Variants in POMT2 observed in about 807,000 individuals in gnomAD.
The protein encoded by POMT2 is protein O-mannosyltransferase 2.
In POMT2, 75 loss-of-function variants were observed where a neutral mutation model predicts 100.0. That is an observed-to-expected ratio of 0.75 (90% CI 0.62 to 0.91). The LOEUF is 0.91. Ranked by LOEUF, POMT2 falls within the 40% of genes least tolerant of loss-of-function variation. POMT2 has a pLI of 0.00. For missense variants in POMT2, 940 were observed against 955.1 expected (o/e 0.98, Z 0.21); for synonymous variants, 378 against 374.1 (o/e 1.01, Z -0.12).
chr14:77,299,463 C>G lies in POMT2; in HGVS notation c.915G>C (p.Leu305=). 6.2e-7 allele frequency: 1 copy of G among 1,613,854 alleles called. No individual in the cohort carries two copies. The highest frequency in any genetic ancestry group is 8.5e-7 in the Non-Finnish European group (1 of 1,179,844). Residue 305 remains leucine (L), a synonymous_variant, in exon 7 of 21, where the codon CTG becomes CTC. Transcript: ENST00000261534. ...AAAGGCTCTGTCTGTACCTTTTACT[C>G]AGCACCATGAAGTGAACAGCAAAGG... ...TATFAVHFMV[L]SKSGPGDGFF...
chr14:77,290,725 A>G (rs983803341), intron 10 of POMT2, among the ~76,000 whole-genome samples: 16 of 152,238 alleles, frequency 1.1e-4, no homozygotes, highest in African/African-American at 3.6e-4. Context: ...TGAGAGCCTG[A>G]TAGGTGTGCT....
chr14:77,302,710 G>T, intron 5 of POMT2, 125 bp downstream of exon 5: 1 of 758,006 alleles, frequency 1.3e-6, no homozygotes, highest in Admixed American at 2.1e-5. Flanking sequence ...CAAACAAAAA[G>T]TATGCTTGCC....
chr14:77,289,543 A>G (rs1446446924), intron 10 of POMT2, among the ~76,000 whole-genome samples: 3 of 152,160 alleles, frequency 2.0e-5, no homozygotes, highest in Non-Finnish European at 4.4e-5. Context: ...CCTTTACCCG[A>G]TGAGGCACTG....
In POMT2 at chr14:77,302,892, A is replaced by T; in HGVS notation, c.599T>A (p.Met200Lys). The stretch of plus-strand genomic sequence containing the variant: ...CAGCATGGCAGCCATGATGAAGAAC[A>T]TCAGGATGGGGTCAAGGAGGATGTA... ...SQYILLDPIL[M>K]FFIMAAMLSM... Residue 200 changes from methionine (M) to lysine (K), a missense_variant, in exon 5 of 21, where the codon ATG (methionine) becomes AAG (lysine). Coordinates refer to ENST00000261534, the MANE Select transcript of POMT2 (RefSeq NM_013382.7). 6.2e-7 allele frequency: 1 copy of T among 1,614,004 alleles called. No homozygotes were observed. The highest frequency in any genetic ancestry group is 8.5e-7 in the Non-Finnish European group (1 of 1,179,904).
At chr14:77,285,722 CCAT>C in intron 12 of POMT2, 90 bp from the exon 13 acceptor site, 1 of 1,465,152 alleles carries the variant, frequency 6.8e-7, no homozygotes, top group Non-Finnish European at 9.5e-7. Context: ...CCAGATGCCA[CCAT>C]GTTATGAAGG....
Position 77,298,715 on chromosome 14 carries a change from T to C in POMT2, c.980A>G (p.Asn327Ser), listed in dbSNP as rs2139470517. 6.2e-7 allele frequency: 1 copy of C among 1,613,816 alleles called. No homozygotes were observed. Among genetic ancestry groups the C allele is most frequent in the East Asian group, 2.2e-5 (1 of 44,888 alleles). Residue 327 changes from asparagine to serine, a missense_variant, in exon 8 of 21, where the codon AAC (asparagine) becomes AGC (serine). Transcript: ENST00000261534. The stretch of plus-strand genomic sequence containing the variant: ...TTCAGGGATGGAAGCATTGTGCAGG[T>C]TGTTCCCTGAAAGCCGGGCCTGGAA... The part of the protein sequence containing the change: ...SAFQARLSGN[N>S]LHNASIPEHL...
intron 6 of POMT2, chr14:77,300,293 T>C (rs1236454670): frequency 6.5e-6 from 1 of 154,814 alleles, no homozygotes; most frequent in African/African-American, 2.4e-5. Context: ...TAGATACACC[T>C]CTCACTCCCC....
At chr14:77,284,239 G>C (rs371085771) in intron 14 of POMT2, 39 of 340,028 alleles carry the variant, frequency 1.1e-4, no homozygotes, top group African/African-American at 7.7e-4. Flanking sequence ...TGGGAATGAG[G>C]AATAAATCAT....
intron 6 of POMT2, 136 bp from the exon 7 acceptor site, chr14:77,299,697 T>C: frequency 1.5e-6 from 1 of 659,632 alleles, no homozygotes; most frequent in Non-Finnish European, 2.8e-6. Context: ...GAGAAGAATA[T>C]GTGGAAACCC....
chr14:77,305,471 T>C (rs889026319), intron 3 of POMT2, among the ~76,000 whole-genome samples: 1 of 152,218 alleles, frequency 6.6e-6, no homozygotes, highest in Admixed American at 6.5e-5. Flanking sequence ...ATGTATGGTA[T>C]GTGGTGTTCA....
rs1350666962 is a variant in POMT2 at position 77,285,604 on chromosome 14, C to A, written c.1361G>T (p.Trp454Leu). Reference protein sequence around the residue: ...INGTGDSNDFWRIEVVNRKFG... With the variant: ...INGTGDSNDFLRIEVVNRKFG... ...TTTCCTGTTTACGACCTCAATCCGC[C>A]AGAAATCATTTGAGTCCCCTGTTCC... is the stretch of plus-strand genomic sequence containing the variant. Residue 454 changes from tryptophan (W) to leucine (L), a missense_variant, in exon 13 of 21, where the codon TGG becomes TTG. Physicochemically the swap from Trp to Leu is moderately conservative, Grantham distance 61 (BLOSUM62 -2). Coordinates refer to ENST00000261534, the MANE Select transcript of POMT2 (RefSeq NM_013382.7). 6.2e-7 allele frequency: 1 copy of A among 1,612,960 alleles called. No individual in the cohort carries two copies. Among genetic ancestry groups the A allele is most frequent in the East Asian group, 2.2e-5 (1 of 44,884 alleles).
intron 4 of POMT2, among the ~76,000 whole-genome samples, chr14:77,303,829 G>GTTTA (rs1440030306): frequency 2.0e-5 from 3 of 152,118 alleles, no homozygotes; most frequent in African/African-American, 7.2e-5. Context: ...TCATTTACTT[G>GTTTA]TTTATTTACT....
In POMT2 at chr14:77,296,875, TTTTC is replaced by T. The variant is rs1321038420; in HGVS notation, c.1007-606_1007-603del. Among the ~76,000 whole-genome samples the T allele has an allele frequency of 3.9e-5, 6 of 152,212 alleles. No individual in the cohort carries two copies. In the East Asian group the frequency reaches 1.2e-3, roughly 29 times the overall value. On this transcript the variant is annotated intron_variant, in intron 8 of 20. Transcript: ENST00000261534. ...ATCCGCTGGAATGACCTGCTCCTGTTTTTCTTTGTTCATTCAGTGGACCAGAAGA... is the reference window on the plus strand; with the variant it reads ...ATCCGCTGGAATGACCTGCTCCTGTTTTTGTTCATTCAGTGGACCAGAAGA...
chr14:77,280,433 C>T lies in POMT2; in HGVS notation c.1684G>A (p.Glu562Lys). 6.2e-7 allele frequency: 1 copy of T among 1,614,174 alleles called. No individual in the cohort carries two copies. Among genetic ancestry groups the T allele is most frequent in the Non-Finnish European group, 8.5e-7 (1 of 1,180,048 alleles). ...GNSGLKPKDN[E>K]FTSKPWHWPI... ...CAGTGCCAGGGTTTGGACGTGAACT[C>T]ATTGTCCTTGGGTTTGAGGCCACTG... Residue 562 changes from glutamate to lysine, a missense_variant, in exon 16 of 21, where the codon GAG becomes AAG. Transcript: ENST00000261534.
intron 9 of POMT2, 182 bp from the exon 10 acceptor site, chr14:77,291,562 G>A: frequency 2.7e-6 from 2 of 738,996 alleles, no homozygotes; most frequent in South Asian, 1.8e-5. Context: ...ACTGGTGAGT[G>A]AGATTCTCTC....
At chr14:77,312,720 T>C (rs1044766100) in intron 1 of POMT2, 1 of 152,150 alleles carries the variant, frequency 6.6e-6, no homozygotes, top group Non-Finnish European at 1.5e-5. Context: ...TTAAAAAAAG[T>C]TTCTTCCAAG....
chr14:77,286,222 T>C (rs1286898685), intron 12 of POMT2, among the ~76,000 whole-genome samples: 2 of 152,228 alleles, frequency 1.3e-5, no homozygotes, highest in Admixed American at 6.5e-5. Flanking sequence ...TTTCCACTAG[T>C]AGTTTTTGTC....
chr14:77,292,696 A>C (rs1430564122), intron 9 of POMT2, among the ~76,000 whole-genome samples: 3 of 152,270 alleles, frequency 2.0e-5, no homozygotes, highest in Admixed American at 6.5e-5. Context: ...TGGTTGCCCC[A>C]TAAGATTATA....
At chr14:77,279,267 T>A (rs939716922) in intron 18 of POMT2, 1 of 374,600 alleles carries the variant, frequency 2.7e-6, no homozygotes, top group Non-Finnish European at 5.1e-6. Flanking sequence ...TCTGGGACTA[T>A]GACTGTTCAG....
Sources: allele counts gnomAD v4.1 joint callset (sites outside exome capture counted in the v4.1 genomes callset), GRCh38; gene constraint gnomAD v4.1.1; transcripts MANE v1.5; gene names NCBI Gene and HGNC (gene_info 2026-07-23, HGNC 2026-07-21).